The following COQ3 variants were observed in gnomAD, a reference collection of about 807,000 sequenced individuals.
The protein encoded by COQ3 is ubiquinone biosynthesis O-methyltransferase, mitochondrial.
COQ3 carries 29 observed loss-of-function variants against 33.1 expected under a neutral mutation model. The observed-to-expected ratio is 0.88, with a 90% CI of 0.65 to 1.19. COQ3 has a LOEUF of 1.19. COQ3 is among the 50% of genes most tolerant of loss of function. The probability of loss-of-function intolerance (pLI) is 0.00; values close to 1 mark genes in which losing one functional copy is unlikely to be tolerated. For synonymous variants in COQ3, 173 were observed against 157.8 expected, an observed-to-expected ratio of 1.10 and a Z score of -0.72; for missense variants, 437 against 430.7, an observed-to-expected ratio of 1.01 and a Z score of -0.13.
chr6:99,375,020 G>C (rs972208597), intron 5 of COQ3, among the ~76,000 whole-genome samples: 5 of 121,870 alleles, frequency 4.1e-5, no homozygotes, highest in African/African-American at 1.6e-4. Context: ...TTTCGCTCTT[G>C]TTGCCCAGGC....
At chr6:99,371,841 T>C in intron 5 of COQ3, among the ~76,000 whole-genome samples, 1 of 152,214 alleles carries the variant, frequency 6.6e-6, no homozygotes, top group East Asian at 1.9e-4. Context: ...TATATAATTA[T>C]GATTTATATT....
chr6:99,378,158 TTAGAGAG>T (rs1774361412), intron 3 of COQ3, among the ~76,000 whole-genome samples: 22 of 81,274 alleles, frequency 2.7e-4, no homozygotes, highest in Middle Eastern at 8.9e-3. Context: ...ATATATATAT[TTAGAGAG>T]AGAGAGAGAG....
At chr6:99,388,873 A>G (rs1217817664) in intron 1 of COQ3, among the ~76,000 whole-genome samples, 1 of 145,056 alleles carries the variant, frequency 6.9e-6, no homozygotes, top group Non-Finnish European at 1.5e-5. Context: ...TAAATAAATA[A>G]AACACTAATG....
rs1246915188 is a variant in COQ3 at position 99,369,777 on chromosome 6, G to A, written c.933C>T (p.Pro311=). ...CACTCCAATGCCAGTAACCTGAGAA[G>A]GGGTTATAGAGCATTCCTACCACTG... ...VQTVVGMLYN[P]FSGYWHWSEN... The change falls in exon 7 of 7, where the codon CCC becomes CCT. Residue 311 remains proline (P), a synonymous_variant. Transcript: ENST00000254759. The A allele has an allele frequency of 5.0e-6, 8 of 1,613,334 alleles. No homozygotes were observed. The South Asian group carries it at 6.6e-5, about 13-fold the overall frequency.
At chr6:99,378,158 T>TATATATA (rs1774360978) in intron 3 of COQ3, among the ~76,000 whole-genome samples, 2 of 81,286 alleles carry the variant, frequency 2.5e-5, no homozygotes, top group Admixed American at 1.5e-4. Flanking sequence ...ATATATATAT[T>TATATATA]TAGAGAGAGA....
At chr6:99,374,137 A>AAAT (rs1554207070) in intron 5 of COQ3, among the ~76,000 whole-genome samples, 29 of 150,032 alleles carry the variant, frequency 1.9e-4, no homozygotes, top group Admixed American at 1.0e-3. Flanking sequence ...AAAAAAAAAA[A>AAAT]AAAAAATTAA....
At chr6:99,372,890 C>T (rs750821919) in intron 5 of COQ3, among the ~76,000 whole-genome samples, 36 of 151,568 alleles carry the variant, frequency 2.4e-4, no homozygotes, top group African/African-American at 4.1e-4. Flanking sequence ...AGAAAGAAAG[C>T]GAGAAAGAAA....
intron 1 of COQ3, among the ~76,000 whole-genome samples, chr6:99,387,195 T>G (rs962339819): frequency 6.6e-6 from 1 of 152,202 alleles, no homozygotes; most frequent in East Asian, 1.9e-4. Context: ...ACACCTGTAG[T>G]TCCAGCACTT....
At chr6:99,377,016 G>A (rs966023983) in intron 4 of COQ3, among the ~76,000 whole-genome samples, 3 of 146,834 alleles carry the variant, frequency 2.0e-5, no homozygotes, top group African/African-American at 7.5e-5. Flanking sequence ...GTGTGTGTGT[G>A]TGTGTGTATG....
chr6:99,387,360 A>C (rs1208687773), intron 1 of COQ3, among the ~76,000 whole-genome samples: 1 of 152,142 alleles, frequency 6.6e-6, no homozygotes, highest in Non-Finnish European at 1.5e-5. Context: ...TTGAGATGGG[A>C]AGACTGTTTG....
chr6:99,392,259 C>A (rs1361692572), intron 1 of COQ3, among the ~76,000 whole-genome samples: 2 of 152,150 alleles, frequency 1.3e-5, no homozygotes, highest in East Asian at 3.9e-4. Context: ...CAGACTTTTA[C>A]CCTACCAATA....
At chr6:99,384,444 T>G (rs1774559371) in intron 1 of COQ3, among the ~76,000 whole-genome samples, 1 of 152,188 alleles carries the variant, frequency 6.6e-6, no homozygotes, top group Non-Finnish European at 1.5e-5. Context: ...ACAGGAATGA[T>G]ATTCAAATAT....
chr6:99,384,269 TTAAGA>T (rs1774554392), intron 1 of COQ3, among the ~76,000 whole-genome samples: 1 of 152,122 alleles, frequency 6.6e-6, no homozygotes, highest in African/African-American at 2.4e-5. Context: ...TTTACTTAAT[TTAAGA>T]TTTTACCTAA....
intron 2 of COQ3, 132 bp from the exon 3 acceptor site, chr6:99,380,473 T>C: frequency 4.3e-6 from 4 of 937,512 alleles, no homozygotes; most frequent in Non-Finnish European, 6.1e-6. Flanking sequence ...TCAATATTGA[T>C]GCTTTAAAAC....
Position 99,371,475 on chromosome 6 carries a change from C to G in COQ3, c.842G>C (p.Trp281Ser). 6.2e-7 allele frequency: 1 copy of G among 1,605,162 alleles called. No individual in the cohort carries two copies. The highest frequency in any genetic ancestry group is 1.1e-5 in the South Asian group (1 of 89,172). ...ASIVPKGTHTWEKFVSPETLE... is the reference protein window; with the variant it reads ...ASIVPKGTHTSEKFVSPETLE... The stretch of plus-strand genomic sequence containing the variant: ...TGTTTCAGGTGAAACAAACTTCTCC[C>G]ATGTATGAGTACCTTTTGGTACAAT... Residue 281 changes from tryptophan to serine, a missense_variant, in exon 6 of 7, where the codon TGG becomes TCG. By Grantham distance (177) the Trp-to-Ser change is radical. Transcript: ENST00000254759.
Position 99,375,028 on chromosome 6 carries a change from G to A in COQ3, c.729+912C>T, listed in dbSNP as rs187599390. Among the ~76,000 whole-genome samples the A allele has an allele frequency of 5.3e-4, 78 of 148,264 alleles. 1 individual carries two copies. Among genetic ancestry groups the A allele is most frequent in the African/African-American group, 1.8e-3 (72 of 40,110 alleles). Reference sequence around the variant, plus strand: ...GAGACAGTTTCGCTCTTGTTGCCCAGGCACAATCTCGGCTCACTGCAACCT... The same window carrying A: ...GAGACAGTTTCGCTCTTGTTGCCCAAGCACAATCTCGGCTCACTGCAACCT... On this transcript the variant is annotated intron_variant, in intron 5 of 6. Transcript: ENST00000254759.
chr6:99,385,185 C>T (rs1774589231), intron 1 of COQ3, among the ~76,000 whole-genome samples: 1 of 152,106 alleles, frequency 6.6e-6, no homozygotes, highest in Non-Finnish European at 1.5e-5. Flanking sequence ...GAGAAATAAA[C>T]AAATCCACAA....
chr6:99,377,347 T>G (rs1325236990), intron 4 of COQ3, 39 bp downstream of exon 4: 10 of 1,391,094 alleles, frequency 7.2e-6, no homozygotes, highest in Non-Finnish European at 1.0e-5. Context: ...TCTTAATTTT[T>G]TTCTCCCAGT....
chr6:99,393,280 T>G (rs147909682), intron 1 of COQ3, among the ~76,000 whole-genome samples: 1 of 152,196 alleles, frequency 6.6e-6, no homozygotes, highest in Admixed American at 6.5e-5. Context: ...TGGGTACAAA[T>G]AGATTTAAAT....
Sources: gnomAD v4.1 joint callset for allele counts (sites outside exome capture counted in the v4.1 genomes callset) on GRCh38, gnomAD v4.1.1 for gene constraint, MANE v1.5 for transcripts, NCBI Gene and HGNC (gene_info 2026-07-23, HGNC 2026-07-21) for gene names.